ASCC3: variants seen among roughly 807,000 people sequenced by gnomAD.
The protein encoded by ASCC3 is activating signal cointegrator 1 complex subunit 3, also known as ASC-1 complex subunit P200.
In ASCC3, 158 loss-of-function variants were observed where a neutral mutation model predicts 256.3. That is an observed-to-expected ratio of 0.62 (90% CI 0.54 to 0.70). The LOEUF (loss-of-function observed/expected upper bound fraction) is 0.70. Among genes scored for constraint, ASCC3 ranks in the 30% least tolerant of loss-of-function variants. The pLI is 0.00. For synonymous variants in ASCC3, 948 were observed against 883.4 expected, an observed-to-expected ratio of 1.07 and a Z score of -1.30; for missense variants, 2,259 against 2,626.0, an observed-to-expected ratio of 0.86 and a Z score of 3.05.
At chr6:100,585,812 G>A (rs1771628929) in intron 36 of ASCC3, among the ~76,000 whole-genome samples, 2 of 152,222 alleles carry the variant, frequency 1.3e-5, no homozygotes, top group Non-Finnish European at 1.5e-5. Flanking sequence ...AGGACCCTCA[G>A]CTGCAGGTCT....
intron 4 of ASCC3, among the ~76,000 whole-genome samples, chr6:100,825,419 C>T (rs551927608): frequency 2.6e-4 from 39 of 152,036 alleles, no homozygotes; most frequent in Admixed American, 7.9e-4. Context: ...TCTAATGATT[C>T]TTCATCTAAG....
chr6:100,712,475 A>G (rs1778895410), intron 13 of ASCC3, among the ~76,000 whole-genome samples: 1 of 152,230 alleles, frequency 6.6e-6, no homozygotes, highest in Non-Finnish European at 1.5e-5. Flanking sequence ...AAGACATTTC[A>G]CCAAAGAAGA....
intron 10 of ASCC3, among the ~76,000 whole-genome samples, chr6:100,757,994 A>G (rs559756582): frequency 3.9e-5 from 6 of 152,314 alleles, no homozygotes; most frequent in Admixed American, 2.6e-4. Context: ...CTCCCAACTC[A>G]CTGTGTGTGA....
chr6:100,739,461 A>C (rs1465135576), intron 10 of ASCC3, among the ~76,000 whole-genome samples: 1 of 152,186 alleles, frequency 6.6e-6, no homozygotes, highest in African/African-American at 2.4e-5. Context: ...TCACAAAATG[A>C]GTTAGGGAGG....
At chr6:100,580,629 T>C (rs1235041834) in intron 36 of ASCC3, among the ~76,000 whole-genome samples, 1 of 151,958 alleles carries the variant, frequency 6.6e-6, no homozygotes, top group Non-Finnish European at 1.5e-5. Flanking sequence ...ATGTGCACAA[T>C]GTGCAGGTTA....
chr6:100,547,881 A>T (rs1014333259), intron 36 of ASCC3, among the ~76,000 whole-genome samples: 4 of 152,036 alleles, frequency 2.6e-5, no homozygotes, highest in Non-Finnish European at 4.4e-5. Flanking sequence ...GTGAAAAAAA[A>T]ATCAGAAAAA....
intron 36 of ASCC3, among the ~76,000 whole-genome samples, chr6:100,570,310 A>T (rs1234112409): frequency 6.6e-6 from 1 of 152,134 alleles, no homozygotes; most frequent in Non-Finnish European, 1.5e-5. Context: ...TACCACTTCC[A>T]GTACTGTGTT....
At chr6:100,674,683 A>G (rs1776918697) in intron 14 of ASCC3, among the ~76,000 whole-genome samples, 1 of 142,758 alleles carries the variant, frequency 7.0e-6, no homozygotes. Context: ...CCCAGGCTGG[A>G]GTGCAGTGGC....
At chr6:100,724,086 C>A (rs1393781424) in intron 11 of ASCC3, among the ~76,000 whole-genome samples, 1 of 141,536 alleles carries the variant, frequency 7.1e-6, no homozygotes, top group Non-Finnish European at 1.5e-5. Flanking sequence ...AAACAATAAA[C>A]ATTACAAGAT....
At chr6:100,726,221 A>T (rs1159466109) in intron 10 of ASCC3, among the ~76,000 whole-genome samples, 2 of 151,908 alleles carry the variant, frequency 1.3e-5, no homozygotes, top group Admixed American at 6.6e-5. Context: ...TCATTGAAAA[A>T]CATGCCCATA....
intron 36 of ASCC3, among the ~76,000 whole-genome samples, chr6:100,572,483 G>A (rs1280322197): frequency 1.3e-5 from 2 of 152,258 alleles, no homozygotes; most frequent in East Asian, 3.9e-4. Flanking sequence ...AAGGTATGAG[G>A]ACTACTGGTG....
intron 8 of ASCC3, among the ~76,000 whole-genome samples, chr6:100,775,598 C>A (rs1782149107): frequency 6.6e-6 from 1 of 151,928 alleles, no homozygotes; most frequent in Non-Finnish European, 1.5e-5. Flanking sequence ...TCAAAAAAAT[C>A]TTTATAATAT....
chr6:100,707,764 G>A (rs186346184), intron 13 of ASCC3, among the ~76,000 whole-genome samples: 63 of 152,130 alleles, frequency 4.1e-4, no homozygotes, highest in African/African-American at 1.2e-3. Flanking sequence ...CAGTATCCTA[G>A]ACAAAGCATT....
At position 100,841,354 on chromosome 6, in the gene ASCC3, TAGTA is replaced by T. The variant is rs556590336; in HGVS notation, c.801+6790_801+6793del. Among the ~76,000 whole-genome samples the T allele has an allele frequency of 4.8e-3, 736 of 152,094 alleles. 8 individuals are homozygous for T. The highest frequency in any genetic ancestry group is 0.017 in the African/African-American group (711 of 41,508). ...TCTTGAGAAATATTTTTTTAAAAAATAGTAAGTGTCAGATGAAGGCAAAAGTCCC... is the reference window on the plus strand; with the variant it reads ...TCTTGAGAAATATTTTTTTAAAAAATAGTGTCAGATGAAGGCAAAAGTCCC... On this transcript the variant is annotated intron_variant, in intron 4 of 41. Coordinates refer to ENST00000369162, the MANE Select transcript of ASCC3 (RefSeq NM_006828.4).
chr6:100,539,321 TA>T (rs950381718), intron 37 of ASCC3, among the ~76,000 whole-genome samples: 2 of 152,186 alleles, frequency 1.3e-5, no homozygotes, highest in Non-Finnish European at 2.9e-5. Flanking sequence ...GAAAAGGCTA[TA>T]AAAATACTCT....
chr6:100,551,122 A>G (rs1428827905), intron 36 of ASCC3, among the ~76,000 whole-genome samples: 1 of 151,950 alleles, frequency 6.6e-6, no homozygotes, highest in Non-Finnish European at 1.5e-5. Context: ...AAAAAACTAT[A>G]TGCACTTCAA....
intron 17 of ASCC3, among the ~76,000 whole-genome samples, chr6:100,653,641 G>A (rs577392365): frequency 5.3e-5 from 8 of 151,034 alleles, no homozygotes; most frequent in African/African-American, 1.9e-4. Context: ...GGAGTGCAGT[G>A]GCGTGATCTT....
At chr6:100,855,715 C>G (rs1291223807) in intron 3 of ASCC3, among the ~76,000 whole-genome samples, 2 of 152,130 alleles carry the variant, frequency 1.3e-5, no homozygotes, top group African/African-American at 2.4e-5. Flanking sequence ...ACATTTAACC[C>G]ATAGAAGCAA....
At chr6:100,659,273 C>T (rs1336928490) in intron 16 of ASCC3, among the ~76,000 whole-genome samples, 1 of 151,406 alleles carries the variant, frequency 6.6e-6, no homozygotes, top group African/African-American at 2.4e-5. Flanking sequence ...AAGAACACAG[C>T]ACATATTCAT....
Sources: allele counts gnomAD v4.1 joint callset (sites outside exome capture counted in the v4.1 genomes callset), GRCh38; gene constraint gnomAD v4.1.1; transcripts MANE v1.5; gene names NCBI Gene and HGNC (gene_info 2026-07-23, HGNC 2026-07-21).